Variants in SPRING1 observed in about 807,000 individuals in gnomAD.
SPRING1 encodes SREBF pathway regulator in golgi 1.
In SPRING1, 14 loss-of-function variants were observed where a neutral mutation model predicts 24.7. The ratio of observed to expected loss-of-function variants is 0.57; its 90% CI spans 0.37 to 0.88. SPRING1 has a LOEUF of 0.88. Ranked by LOEUF, SPRING1 falls within the 40% of genes least tolerant of loss-of-function variation. SPRING1 has a pLI of 0.00. For missense variants in SPRING1, 255 were observed against 268.4 expected (o/e 0.95, Z 0.35); for synonymous variants, 93 against 106.1 (o/e 0.88, Z 0.76).
intron 1 of SPRING1, among the ~76,000 whole-genome samples, chr12:116,726,523 TACA>T (rs1870700732): frequency 6.6e-6 from 1 of 152,164 alleles, no homozygotes; most frequent in Non-Finnish European, 1.5e-5. Flanking sequence ...GGGGCGGTTA[TACA>T]AAAGCAACAT....
chr12:116,732,402 C>T (rs1000653913), intron 1 of SPRING1, among the ~76,000 whole-genome samples: 1 of 152,006 alleles, frequency 6.6e-6, no homozygotes, highest in Non-Finnish European at 1.5e-5. Flanking sequence ...CTAGTAAAAC[C>T]CCATCTCTAC....
At position 116,720,030 on chromosome 12, in the gene SPRING1, C is replaced by A. The variant is rs963315184; in HGVS notation, c.421-154G>T. The A allele has an allele frequency of 1.4e-6, 1 of 722,532 alleles. No individual in the cohort carries two copies. Among genetic ancestry groups the A allele is most frequent in the Non-Finnish European group, 2.3e-6 (1 of 438,738 alleles). 44.8% of individuals were successfully genotyped at this position (722,532 alleles called of 1,614,324 possible). On this transcript the variant is annotated intron_variant, in intron 3 of 4. Transcript: ENST00000261318. The surrounding 1 kb of genome is among the most constrained non-coding windows in gnomAD (Gnocchi z 4.0). ...GGGAAAGGACACACGCGTGCACACA[C>A]GTGCATGCCAAAACACCCTGGGTAT...
intron 1 of SPRING1, among the ~76,000 whole-genome samples, chr12:116,725,614 C>A (rs749231358): frequency 2.6e-5 from 4 of 152,164 alleles, no homozygotes; most frequent in Admixed American, 1.3e-4. Context: ...GGCCGGGCGC[C>A]ATGGCTCACA....
intron 1 of SPRING1, among the ~76,000 whole-genome samples, chr12:116,727,182 A>G (rs1870739699): frequency 6.6e-6 from 1 of 152,192 alleles, no homozygotes; most frequent in Admixed American, 6.5e-5. Context: ...TCATTCAAAG[A>G]TATCTAGTTC....
At position 116,713,693 on chromosome 12, in the gene SPRING1, GAATT is replaced by G. The variant is rs1869970351; in HGVS notation, c.*4113_*4116del. ...GAAACCAGTTAATGTCCTCAGCAGG[GAATT>G]AATAATATTATTGTATATTCATGAA... is the stretch of plus-strand genomic sequence containing the variant. On this transcript the variant is annotated 3_prime_UTR_variant, in exon 5 of 5. Transcript: ENST00000261318. 6.6e-6 allele frequency: 1 copy of G among 152,122 alleles called. No individual in the cohort carries two copies. Among genetic ancestry groups the G allele is most frequent in the Non-Finnish European group, 1.5e-5 (1 of 68,030 alleles). 9.4% of individuals were successfully genotyped at this position (152,122 alleles called of 1,614,324 possible).
rs373776826 is a variant in SPRING1, at chr12:116,737,193, C to G, written c.111+597G>C. 1.3e-4 allele frequency among the ~76,000 whole-genome samples: 20 copies of G among 152,272 alleles called. No individual in the cohort carries two copies. In the East Asian group the frequency reaches 3.5e-3, roughly 26 times the overall value. On this transcript the variant is annotated intron_variant, in intron 1 of 4. Coordinates refer to ENST00000261318, the MANE Select transcript of SPRING1 (RefSeq NM_024738.4). ...CCCCTTCCCGCTGCAGGGACCAAGG[C>G]GGTGGGCAGGTCCCTCACCCGTGCT... is the stretch of plus-strand genomic sequence containing the variant.
rs935770290 is a variant in SPRING1, at chr12:116,734,571, T to C, written c.111+3219A>G. On this transcript the variant is annotated intron_variant, in intron 1 of 4. Transcript: ENST00000261318. Reference sequence around the variant, plus strand: ...ACTCACTTGTTTGTTCAATCAATATTTGGATTCCCATGAAGTGGCTGGCAG... The same window carrying C: ...ACTCACTTGTTTGTTCAATCAATATCTGGATTCCCATGAAGTGGCTGGCAG... Among the ~76,000 whole-genome samples the C allele has an allele frequency of 2.0e-5, 3 of 152,190 alleles. No individual in the cohort carries two copies. The South Asian group carries it at 6.2e-4, about 32-fold the overall frequency.
rs7314462 is a variant in SPRING1 at position 116,728,657 on chromosome 12, T to G, written c.112-5434A>C. The stretch of plus-strand genomic sequence containing the variant: ...CAGTCTCACCGCAGCGGAGCTAAGG[T>G]GCACGGGGAGCTTCACAGTGTTCAT... On this transcript the variant is annotated intron_variant, in intron 1 of 4. Coordinates refer to ENST00000261318, the MANE Select transcript of SPRING1 (RefSeq NM_024738.4). This position sits in a 1 kb window ranked among gnomAD's most constrained non-coding sequence, Gnocchi z 4.2. 0.37 allele frequency among the ~76,000 whole-genome samples: 56,867 copies of G among 152,138 alleles called. 11,149 individuals are homozygous for G. The highest frequency in any genetic ancestry group is 0.49 in the African/African-American group (20,525 of 41,500).
intron 1 of SPRING1, among the ~76,000 whole-genome samples, chr12:116,724,772 C>T (rs183753084): frequency 1.3e-5 from 2 of 152,252 alleles, no homozygotes; most frequent in East Asian, 3.9e-4. Context: ...AACTGAGATA[C>T]GACTGATAGC....
chr12:116,719,861 G>A lies in SPRING1; in HGVS notation c.436C>T (p.Arg146Cys), dbSNP rs770784378. 2.4e-5 allele frequency: 38 copies of A among 1,613,932 alleles called. No homozygotes were observed. The highest frequency in any genetic ancestry group is 2.7e-5 in the Non-Finnish European group (32 of 1,179,922). The change falls in exon 4 of 5, where the codon CGC (arginine) becomes TGC (cysteine). Residue 146 changes from arginine to cysteine, a missense_variant. Coordinates refer to ENST00000261318, the MANE Select transcript of SPRING1 (RefSeq NM_024738.4). Reference protein sequence around the residue: ...LQPNKQLLLERFLNRAAVAFQ... With the variant: ...LQPNKQLLLECFLNRAAVAFQ... Reference sequence around the variant, plus strand: ...GCCACGGCTGCCCGGTTGAGGAAGCGCTCCAGGAGAAGTTGCTATGGAAAC... The same window carrying A: ...GCCACGGCTGCCCGGTTGAGGAAGCACTCCAGGAGAAGTTGCTATGGAAAC...
intron 4 of SPRING1, among the ~76,000 whole-genome samples, chr12:116,718,273 A>T (rs1268035678): frequency 6.6e-6 from 1 of 152,232 alleles, no homozygotes; most frequent in African/African-American, 2.4e-5. Context: ...CAGTTCCCGT[A>T]AGGAACCCTG....
At position 116,717,986 on chromosome 12, in the gene SPRING1, G is replaced by C; in HGVS notation, c.535-93C>G. ...GAGTGAGAGTGGATCGGGACTGTCA[G>C]ACTCTCCCTGCAGGGGGCTGGCCGA... On this transcript the variant is annotated intron_variant, in intron 4 of 4. Transcript: ENST00000261318. This position sits in a 1 kb window ranked among gnomAD's most constrained non-coding sequence, Gnocchi z 4.2. 9.3e-7 allele frequency: 1 copy of C among 1,075,748 alleles called. No individual in the cohort carries two copies. The highest frequency in any genetic ancestry group is 1.3e-6 in the Non-Finnish European group (1 of 774,110). The allele number at this position is 1,075,748 out of a possible 1,614,324, so 66.6% of individuals were successfully genotyped here. A position where few individuals can be genotyped will look rare whatever the true frequency, so the allele number is the denominator to read the frequency against.
chr12:116,736,996 G>T (rs1871254067), intron 1 of SPRING1, among the ~76,000 whole-genome samples: 1 of 152,164 alleles, frequency 6.6e-6, no homozygotes, highest in African/African-American at 2.4e-5. Context: ...CTGTAATACT[G>T]GGAACCCCAC....
At chr12:116,726,954 C>T (rs1223954951) in intron 1 of SPRING1, among the ~76,000 whole-genome samples, 1 of 152,176 alleles carries the variant, frequency 6.6e-6, no homozygotes, top group African/African-American at 2.4e-5. Flanking sequence ...CGTTTCCAAA[C>T]ACGAATATTC....
At chr12:116,733,984 C>G (rs1871115569) in intron 1 of SPRING1, among the ~76,000 whole-genome samples, 1 of 152,234 alleles carries the variant, frequency 6.6e-6, no homozygotes, top group Admixed American at 6.5e-5. Context: ...TCAAGCGACT[C>G]TCCTGCCTCA....
At chr12:116,737,136 G>T (rs11068166) in intron 1 of SPRING1, among the ~76,000 whole-genome samples, 1 of 152,216 alleles carries the variant, frequency 6.6e-6, no homozygotes, top group Admixed American at 6.5e-5. Context: ...TCAACTCGGG[G>T]TTCTAGTCCC....
chr12:116,730,626 C>T (rs1283652339), intron 1 of SPRING1, among the ~76,000 whole-genome samples: 1 of 152,146 alleles, frequency 6.6e-6, no homozygotes, highest in African/African-American at 2.4e-5. Flanking sequence ...CATCTGAAAC[C>T]ATATCAATGA....
At position 116,716,457 on chromosome 12, in the gene SPRING1, C is replaced by A. The variant is rs2279695; in HGVS notation, c.*1353G>T. The A allele has an allele frequency of 6.6e-6, 1 of 152,548 alleles. No homozygotes were observed. Among genetic ancestry groups the A allele is most frequent in the Admixed American group, 6.5e-5 (1 of 15,272 alleles). The allele number at this position is 152,548 out of a possible 1,614,324, so 9.4% of individuals were successfully genotyped here. On this transcript the variant is annotated 3_prime_UTR_variant, in exon 5 of 5. Coordinates refer to ENST00000261318, the MANE Select transcript of SPRING1 (RefSeq NM_024738.4). Reference sequence around the variant, plus strand: ...AAAGACCTTGCTCAATCCTGAGGTTCGTGAGGAATATAGGAGAGTTGTGTG... The same window carrying A: ...AAAGACCTTGCTCAATCCTGAGGTTAGTGAGGAATATAGGAGAGTTGTGTG...
At chr12:116,724,313 T>C (rs551231663) in intron 1 of SPRING1, among the ~76,000 whole-genome samples, 2 of 152,352 alleles carry the variant, frequency 1.3e-5, no homozygotes, top group East Asian at 1.9e-4. Context: ...TTTAAAAATA[T>C]ATGTCTACAT....
Sources: gnomAD v4.1 joint callset for allele counts (sites outside exome capture counted in the v4.1 genomes callset) on GRCh38, gnomAD v4.1.1 for gene constraint, Gnocchi (gnomAD v3.1) non-coding constraint, MANE v1.5 for transcripts, NCBI Gene and HGNC (gene_info 2026-07-23, HGNC 2026-07-21) for gene names.